TMEM181: variants seen among roughly 807,000 people sequenced by gnomAD.
TMEM181 encodes transmembrane protein 181.
In TMEM181, 39 loss-of-function variants were observed where a neutral mutation model predicts 71.9. The ratio of observed to expected loss-of-function variants is 0.54; its 90% confidence interval spans 0.42 to 0.71. The LOEUF is 0.71. Among genes scored for constraint, TMEM181 ranks in the 30% least tolerant of loss-of-function variants. TMEM181 has a pLI of 0.00. For synonymous variants in TMEM181, 245 were observed against 228.8 expected (o/e 1.07, Z -0.64); for missense variants, 595 against 583.0 (o/e 1.02, Z -0.21).
In TMEM181 at chr6:158,628,463, G is replaced by A; in HGVS notation, c.1165G>A (p.Ala389Thr). 6.2e-7 allele frequency: 1 copy of A among 1,614,200 alleles called. No individual in the cohort carries two copies. The highest frequency in any genetic ancestry group is 8.5e-7 in the Non-Finnish European group (1 of 1,180,032). ...GAQVLQDNFV[A>T]ELSTHYQNSA... ...GCAAGTACTACAAGACAATTTTGTA[G>A]CAGAGCTGTCAACTCACTACCAGAA... Residue 389 changes from alanine (A) to threonine (T), a missense_variant, in exon 14 of 17, where the codon GCA becomes ACA. By Grantham distance (58) the Ala-to-Thr change is moderately conservative (BLOSUM62 0). Coordinates refer to ENST00000684151, the MANE Select transcript of TMEM181 (RefSeq NM_001376852.1).
At chr6:158,631,271 C>T (rs1786649794) in intron 15 of TMEM181, 52 bp from the exon 16 acceptor site, 3 of 1,591,484 alleles carry the variant, frequency 1.9e-6, no homozygotes, top group South Asian at 2.2e-5. Flanking sequence ...CCTGCCTGTC[C>T]AGGCTCATCA....
In TMEM181 at chr6:158,573,524, G is replaced by T. The variant is rs1782994033; in HGVS notation, c.112+1G>T. ...CTGACCATCTTCGTTGGGATCAGAG[G>T]TAAGGTTCGGTTTTTACTCATTGAA... is the stretch of plus-strand genomic sequence containing the variant. On this transcript the variant is annotated splice_donor_variant, in intron 2 of 16. Transcript: ENST00000684151. LOFTEE classifies it high-confidence loss of function. The T allele has an allele frequency of 6.3e-7, 1 of 1,599,094 alleles. No homozygotes were observed. The highest frequency in any genetic ancestry group is 8.5e-7 in the Non-Finnish European group (1 of 1,173,064).
upstream of TMEM181, among the ~76,000 whole-genome samples, chr6:158,555,907 C>T (rs1213128202): frequency 1.3e-5 from 2 of 152,112 alleles, no homozygotes; most frequent in Non-Finnish European, 2.9e-5. Context: ...GGAAAAAAGA[C>T]GAATCATTTA....
At chr6:158,611,609 A>G (rs1208653215) in intron 10 of TMEM181, 3 of 358,130 alleles carry the variant, frequency 8.4e-6, no homozygotes, top group African/African-American at 6.5e-5. Context: ...GATTGGTAGG[A>G]TGTGGAGGGG....
At chr6:158,605,861 C>T (rs1262998317) in intron 7 of TMEM181, among the ~76,000 whole-genome samples, 2 of 86,570 alleles carry the variant, frequency 2.3e-5, no homozygotes, top group Non-Finnish European at 4.4e-5. Flanking sequence ...CCTGAGAAGC[C>T]CAAGGGAGCC....
At position 158,632,237 on chromosome 6, in the gene TMEM181, C is replaced by T. The variant is rs1156565138; in HGVS notation, c.*349C>T. 3.9e-6 allele frequency: 1 copy of T among 254,920 alleles called. No homozygotes were observed. Among genetic ancestry groups the T allele is most frequent in the Non-Finnish European group, 7.8e-6 (1 of 127,692 alleles). 15.8% of individuals were successfully genotyped at this position (254,920 alleles called of 1,614,324 possible). A position where few individuals can be genotyped will look rare whatever the true frequency, so the allele number is the denominator to read the frequency against. On this transcript the variant is annotated 3_prime_UTR_variant, in exon 17 of 17. Coordinates refer to ENST00000684151, the MANE Select transcript of TMEM181 (RefSeq NM_001376852.1). ...TGTAATCATTCACTGATTCCAAGTT[C>T]ACGGGCAGCCTGTGACTAGGTCCTC...
intron 6 of TMEM181, among the ~76,000 whole-genome samples, chr6:158,602,120 T>C (rs756478087): frequency 1.7e-4 from 26 of 152,212 alleles, no homozygotes; most frequent in Non-Finnish European, 3.2e-4. Flanking sequence ...GTCACTGATC[T>C]GTTATTTGCA....
chr6:158,562,478 T>TGTGTGTGTGTC (rs1554302369), intron 1 of TMEM181, among the ~76,000 whole-genome samples: 5 of 116,228 alleles, frequency 4.3e-5, no homozygotes, highest in African/African-American at 1.3e-4. Flanking sequence ...GTGTGTGTCT[T>TGTGTGTGTGTC]GCTTGGCACG....
rs1244147188 is a variant in TMEM181, at chr6:158,625,134, G to A, written c.985G>A (p.Ala329Thr). The change falls in exon 12 of 17, where the codon GCG (alanine) becomes ACG (threonine). Residue 329 changes from alanine (A) to threonine (T), a missense_variant. Physicochemically the swap from Ala to Thr is moderately conservative, Grantham distance 58. Coordinates refer to ENST00000684151, the MANE Select transcript of TMEM181 (RefSeq NM_001376852.1). Reference protein sequence around the residue: ...GMKVFFMVVAAVYILYLLFLI... With the variant: ...GMKVFFMVVATVYILYLLFLI... ...GAAGGTCTTCTTCATGGTGGTGGCA[G>A]CGGTGTACATTCTGTACCTCTTGTT... 1 of 1,614,196 alleles carries A rather than the reference G, an allele frequency of 6.2e-7. No homozygotes were observed. The highest frequency in any genetic ancestry group is 1.1e-5 in the South Asian group (1 of 91,092).
intron 1 of TMEM181, among the ~76,000 whole-genome samples, chr6:158,565,031 GTC>G (rs1208803881): frequency 6.6e-6 from 1 of 152,214 alleles, no homozygotes; most frequent in East Asian, 1.9e-4. Flanking sequence ...AGATGAAGGT[GTC>G]TCTCACACCC....
intron 10 of TMEM181, among the ~76,000 whole-genome samples, chr6:158,615,902 T>C (rs569607979): frequency 6.6e-6 from 1 of 152,332 alleles, no homozygotes; most frequent in South Asian, 2.1e-4. Context: ...GTAGTATAGT[T>C]TAAAGTCAGG....
Position 158,625,686 on chromosome 6 carries a change from G to C in TMEM181, c.1058-17G>C, listed in dbSNP as rs764191539. On this transcript the variant is annotated splice_polypyrimidine_tract_variant and intron_variant, in intron 12 of 16. Coordinates refer to ENST00000684151, the MANE Select transcript of TMEM181 (RefSeq NM_001376852.1). ...AATTTACTTCCAGAGTTGTTAATGA[G>C]TTTCTTTCTTTTTCAGATCTCAGGT... The C allele has an allele frequency of 1.3e-6, 2 of 1,599,278 alleles. No homozygotes were observed. Among genetic ancestry groups the C allele is most frequent in the East Asian group, 4.5e-5 (2 of 44,806 alleles).
intron 1 of TMEM181, among the ~76,000 whole-genome samples, chr6:158,562,316 G>T (rs2362574): frequency 2.6e-5 from 4 of 152,098 alleles, no homozygotes; most frequent in South Asian, 2.1e-4. Context: ...GTCTGAGGAC[G>T]GTGTGGGGCG....
intron 1 of TMEM181, among the ~76,000 whole-genome samples, chr6:158,551,956 G>C (rs138569884): frequency 1.3e-5 from 2 of 152,212 alleles, no homozygotes; most frequent in East Asian, 3.9e-4. Context: ...TAGGTCAAAA[G>C]ATTTAATTTA....
At chr6:158,540,873 C>T (rs1246126327) in intron 1 of TMEM181, among the ~76,000 whole-genome samples, 7 of 152,224 alleles carry the variant, frequency 4.6e-5, no homozygotes, top group Middle Eastern at 3.4e-3. Context: ...ACTCCTCTCC[C>T]GCAGCCTCCC....
chr6:158,596,279 C>T (rs998710234), intron 6 of TMEM181, among the ~76,000 whole-genome samples: 11 of 152,164 alleles, frequency 7.2e-5, no homozygotes, highest in African/African-American at 2.7e-4. Context: ...GTATACAGTG[C>T]GCCTGATAAA....
chr6:158,588,261 C>T (rs1783895959), intron 5 of TMEM181, among the ~76,000 whole-genome samples: 1 of 152,248 alleles, frequency 6.6e-6, no homozygotes, highest in Admixed American at 6.5e-5. Context: ...GGCTTCAGTG[C>T]AGACCCAGGG....
intron 5 of TMEM181, among the ~76,000 whole-genome samples, chr6:158,585,896 C>T (rs549235546): frequency 6.6e-6 from 1 of 152,290 alleles, no homozygotes; most frequent in African/African-American, 2.4e-5. Context: ...ACAATCACAG[C>T]TCACTGCAGC....
At chr6:158,542,838 C>T (rs1010252979) in intron 1 of TMEM181, among the ~76,000 whole-genome samples, 6 of 145,194 alleles carry the variant, frequency 4.1e-5, no homozygotes, top group East Asian at 2.1e-4. Context: ...CTGCTGACCT[C>T]GGAATCTGCC....
Sources: allele counts gnomAD v4.1 joint callset (sites outside exome capture counted in the v4.1 genomes callset), GRCh38; gene constraint gnomAD v4.1.1; transcripts MANE v1.5; gene names NCBI Gene and HGNC (gene_info 2026-07-23, HGNC 2026-07-21).